Variants in FYB1 observed in about 807,000 individuals in gnomAD.
FYB1 encodes FYN binding protein 1, also known as FYN-binding protein 1.
In FYB1, 41 loss-of-function variants were observed where a neutral mutation model predicts 94.1. The observed-to-expected ratio is 0.44, with a 90% CI of 0.34 to 0.57. The LOEUF (loss-of-function observed/expected upper bound fraction) is 0.57, where lower values mean the gene tolerates loss of function less well. Ranked by LOEUF, FYB1 falls within the 20% of genes least tolerant of loss-of-function variation. The probability of loss-of-function intolerance (pLI) is 0.02; values close to 1 mark genes in which losing one functional copy is unlikely to be tolerated. For missense variants in FYB1, 1,050 were observed against 976.8 expected (o/e 1.07, Z -1.00); for synonymous variants, 367 against 353.2 (o/e 1.04, Z -0.44).
chr5:39,258,215 T>G (rs141031068), intron 1 of FYB1, among the ~76,000 whole-genome samples: 1 of 152,192 alleles, frequency 6.6e-6, no homozygotes, highest in East Asian at 1.9e-4. Context: ...TCTCCTAGTG[T>G]CTCATCTACC....
chr5:39,152,733 A>T (rs1424638131), intron 3 of FYB1, among the ~76,000 whole-genome samples: 1 of 152,244 alleles, frequency 6.6e-6, no homozygotes, highest in Non-Finnish European at 1.5e-5. Context: ...CATTTCTGAA[A>T]AATATCATCT....
intron 2 of FYB1, among the ~76,000 whole-genome samples, chr5:39,177,953 T>C (rs1224228493): frequency 6.6e-6 from 1 of 152,202 alleles, no homozygotes; most frequent in African/African-American, 2.4e-5. Context: ...TTCCCTTTTA[T>C]GCTACTTCTG....
chr5:39,121,509 C>A (rs968800138), intron 14 of FYB1, among the ~76,000 whole-genome samples: 1 of 152,150 alleles, frequency 6.6e-6, no homozygotes, highest in Non-Finnish European at 1.5e-5. Flanking sequence ...TCAGAAGACA[C>A]AACTTACTGT....
chr5:39,134,526 A>G (rs1741488858), intron 8 of FYB1, among the ~76,000 whole-genome samples, 177 bp from the exon 9 acceptor site: 2 of 152,186 alleles, frequency 1.3e-5, no homozygotes, highest in Admixed American at 1.3e-4. Flanking sequence ...GTCAAAGTCT[A>G]ATCCTGTTGT....
At chr5:39,226,138 T>C (rs1750462480) in intron 1 of FYB1, among the ~76,000 whole-genome samples, 1 of 152,188 alleles carries the variant, frequency 6.6e-6, no homozygotes, top group African/African-American at 2.4e-5. Context: ...GAGGATTGGC[T>C]TTAGACTCCT....
intron 10 of FYB1, 55 bp from the exon 11 acceptor site, chr5:39,127,862 T>C (rs917878133): frequency 2.7e-6 from 4 of 1,502,610 alleles, no homozygotes; most frequent in African/African-American, 1.4e-5. Context: ...GGCCATGTAA[T>C]GCTCACTCAG....
At chr5:39,242,638 C>A (rs1751265461) in intron 1 of FYB1, among the ~76,000 whole-genome samples, 1 of 152,036 alleles carries the variant, frequency 6.6e-6, no homozygotes, top group South Asian at 2.1e-4. Context: ...GATTTATAAT[C>A]CTTTGGGTAT....
At chr5:39,200,407 C>G (rs928390169) in intron 2 of FYB1, among the ~76,000 whole-genome samples, 1 of 152,176 alleles carries the variant, frequency 6.6e-6, no homozygotes, top group African/African-American at 2.4e-5. Context: ...GGATTTCTGC[C>G]TAACATCAGA....
At chr5:39,207,018 T>C (rs1443704964) in intron 1 of FYB1, among the ~76,000 whole-genome samples, 1 of 152,152 alleles carries the variant, frequency 6.6e-6, no homozygotes, top group Non-Finnish European at 1.5e-5. Flanking sequence ...TTTTTTCCCT[T>C]GCTAGTTGGA....
chr5:39,108,617 A>C (rs919895970), intron 17 of FYB1, among the ~76,000 whole-genome samples: 1 of 152,104 alleles, frequency 6.6e-6, no homozygotes, highest in African/African-American at 2.4e-5. Context: ...ATGTCTGTTA[A>C]TATCAGATTC....
At chr5:39,168,545 T>A (rs559561478) in intron 2 of FYB1, among the ~76,000 whole-genome samples, 17 of 152,312 alleles carry the variant, frequency 1.1e-4, no homozygotes, top group African/African-American at 3.8e-4. Context: ...AGGTTATCAA[T>A]TGCATGTAAA....
intron 1 of FYB1, among the ~76,000 whole-genome samples, chr5:39,256,512 C>T (rs1751947837): frequency 6.6e-6 from 1 of 152,200 alleles, no homozygotes; most frequent in Non-Finnish European, 1.5e-5. Context: ...TCTCTCCTTG[C>T]CCTGCTTATC....
chr5:39,229,829 C>T (rs979499951), intron 1 of FYB1, among the ~76,000 whole-genome samples: 1 of 152,152 alleles, frequency 6.6e-6, no homozygotes, highest in African/African-American at 2.4e-5. Context: ...GTTAAATACA[C>T]CCAGTGATTC....
chr5:39,134,671 C>T (rs1326255143), intron 8 of FYB1, among the ~76,000 whole-genome samples, 184 bp downstream of exon 8: 3 of 152,058 alleles, frequency 2.0e-5, no homozygotes, highest in Non-Finnish European at 4.4e-5. Context: ...ACGTTGTTTC[C>T]CACAATATAG....
At chr5:39,181,620 T>C (rs1014046403) in intron 2 of FYB1, among the ~76,000 whole-genome samples, 1 of 152,120 alleles carries the variant, frequency 6.6e-6, no homozygotes, top group South Asian at 2.1e-4. Flanking sequence ...TTCCTCAAAT[T>C]GAACATGTTC....
At position 39,139,891 on chromosome 5, in the gene FYB1, A is replaced by T. The variant is rs552414029; in HGVS notation, c.1340-639T>A. The T allele has an allele frequency of 2.6e-5, 4 of 152,322 alleles. No individual in the cohort carries two copies. In the South Asian group the frequency reaches 8.3e-4, roughly 32 times the overall value. The allele number at this position is 152,322 out of a possible 1,614,324, so 9.4% of individuals were successfully genotyped here. A position where few individuals can be genotyped will look rare whatever the true frequency, so the allele number is the denominator to read the frequency against. On this transcript the variant is annotated intron_variant, in intron 4 of 18. Transcript: ENST00000512982. ...CATACACACACATAGAGCTGATATA[A>T]TATAAAGGTAGCACTATAAATTAAT...
Position 39,249,787 on chromosome 5 carries a change from C to A in FYB1, c.-28+24616G>T, listed in dbSNP as rs573043443. On this transcript the variant is annotated intron_variant, in intron 1 of 1. Transcript: ENST00000510188. The stretch of plus-strand genomic sequence containing the variant: ...AAGTTACAGAATACAAGAGGAGGAA[C>A]AGATCTGGTGAAAGATGGTGACTTC... Among the ~76,000 whole-genome samples the A allele has an allele frequency of 8.7e-4, 132 of 152,282 alleles. 3 individuals are homozygous for A. Among genetic ancestry groups the A allele is most frequent in the African/African-American group, 3.0e-3 (123 of 41,538 alleles).
intron 3 of FYB1, among the ~76,000 whole-genome samples, chr5:39,148,161 ATATATATATATAT>A (rs1742891412): frequency 4.5e-4 from 3 of 6,610 alleles, no homozygotes; most frequent in South Asian, 3.7e-3. Flanking sequence ...TTTTTTATAT[ATATATATATATAT>A]ATATATATAT....
At position 39,119,028 on chromosome 5, in the gene FYB1, A is replaced by C. The variant is rs1269767605; in HGVS notation, c.2247T>G (p.Gly749=). 7.4e-7 allele frequency: 1 copy of C among 1,353,822 alleles called. No homozygotes were observed. Among genetic ancestry groups the C allele is most frequent in the Non-Finnish European group, 9.9e-7 (1 of 1,013,234 alleles). The allele number at this position is 1,353,822 out of a possible 1,614,324, so 83.9% of individuals were successfully genotyped here. Residue 749 remains glycine, a synonymous_variant, in exon 16 of 19, where the codon GGT becomes GGG. Coordinates refer to ENST00000512982, the MANE Select transcript of FYB1 (RefSeq NM_001465.6). ...KDFRKKFKYD[G]EIRVLYSTKV... ...TAGTTGAATATAGGACTCTAATTTC[A>C]CCATCATACTAAAAAAAAAAGAACA...
Sources: gnomAD v4.1 joint callset for allele counts (sites outside exome capture counted in the v4.1 genomes callset) on GRCh38, gnomAD v4.1.1 for gene constraint, MANE v1.5 for transcripts, NCBI Gene and HGNC (gene_info 2026-07-23, HGNC 2026-07-21) for gene names.